The following GIT2 variants were observed in gnomAD, a reference collection of about 807,000 sequenced individuals.
The protein encoded by GIT2 is GIT ArfGAP 2, also known as ARF GTPase-activating protein GIT2.
A neutral mutation model predicts 100.3 loss-of-function variants in GIT2; 32 were observed. The ratio of observed to expected loss-of-function variants is 0.32; its 90% CI spans 0.24 to 0.43. The LOEUF is 0.43. Among genes scored for constraint, GIT2 ranks in the 20% least tolerant of loss-of-function variants. The pLI is 1.00. For synonymous variants in GIT2, 353 were observed against 364.1 expected, an observed-to-expected ratio of 0.97 and a Z score of 0.35; for missense variants, 737 against 975.1, an observed-to-expected ratio of 0.76 and a Z score of 3.25.
chr12:109,947,156 T>C lies in GIT2; in HGVS notation c.1641+100A>G. ...ACAATGGTAACTCTCTTAGTCCAAT[T>C]TGGCAAAGCAGAGCTGTGGGGACCT... On this transcript the variant is annotated intron_variant, in intron 15 of 19. Coordinates refer to ENST00000355312, the MANE Select transcript of GIT2 (RefSeq NM_057169.5). This position sits in a 1 kb window ranked among gnomAD's most constrained non-coding sequence, Gnocchi z 4.3. The C allele has an allele frequency of 8.9e-7, 1 of 1,128,698 alleles. No homozygotes were observed. The highest frequency in any genetic ancestry group is 1.3e-6 in the Non-Finnish European group (1 of 779,190). The allele number at this position is 1,128,698 out of a possible 1,614,324, so 69.9% of individuals were successfully genotyped here.
chr12:109,983,748 G>T, intron 4 of GIT2, 54 bp from the exon 5 acceptor site: 1 of 1,108,676 alleles, frequency 9.0e-7, no homozygotes, highest in Non-Finnish European at 1.4e-6. Flanking sequence ...AAAGAATGAT[G>T]TCCTAGGGCA....
chr12:109,938,211 G>A (rs1379414203), intron 18 of GIT2, among the ~76,000 whole-genome samples, 169 bp downstream of exon 18: 1 of 152,166 alleles, frequency 6.6e-6, no homozygotes, highest in Non-Finnish European at 1.5e-5. Context: ...AATCAAACAA[G>A]ACAAAGCAAA....
intron 7 of GIT2, among the ~76,000 whole-genome samples, chr12:109,971,926 G>A (rs144427071): frequency 0.024 from 3,591 of 150,874 alleles, 168 homozygotes; most frequent in African/African-American, 0.083. Flanking sequence ...CCCGGGAGGC[G>A]GAGGTTGCAG....
chr12:109,940,024 A>G (rs1386108673), intron 16 of GIT2: 1 of 152,250 alleles, frequency 6.6e-6, no homozygotes, highest in African/African-American at 2.4e-5. Flanking sequence ...AAGGCCACAA[A>G]GTCTGCAGAA....
intron 11 of GIT2, 141 bp from the exon 12 acceptor site, chr12:109,960,099 T>C: frequency 3.1e-6 from 2 of 639,084 alleles, no homozygotes; most frequent in South Asian, 3.8e-5. Flanking sequence ...ATCCCAGCCA[T>C]AATCAAACCA....
chr12:109,995,413 CA>C (rs1889157011), intron 1 of GIT2, among the ~76,000 whole-genome samples: 1 of 151,890 alleles, frequency 6.6e-6, no homozygotes, highest in Admixed American at 6.6e-5. Flanking sequence ...CAGCATAATG[CA>C]AAAAAGAAAA....
intron 7 of GIT2, among the ~76,000 whole-genome samples, chr12:109,974,347 T>C (rs1884583835): frequency 6.6e-6 from 1 of 152,072 alleles, no homozygotes. Context: ...GTCAACATGG[T>C]GAAACCCCAT....
chr12:109,983,224 A>T, intron 6 of GIT2, 149 bp downstream of exon 6: 1 of 701,398 alleles, frequency 1.4e-6, no homozygotes. Flanking sequence ...CTGAGCTTAT[A>T]TGCATTTGAA....
chr12:109,964,998 ACT>A (rs1279439317), intron 9 of GIT2, among the ~76,000 whole-genome samples: 1 of 152,154 alleles, frequency 6.6e-6, no homozygotes, highest in Non-Finnish European at 1.5e-5. Flanking sequence ...GAGCCGGCAA[ACT>A]CTGAGCACGC....
chr12:109,972,436 G>A (rs1489607952), intron 7 of GIT2, among the ~76,000 whole-genome samples: 2 of 150,732 alleles, frequency 1.3e-5, no homozygotes, highest in African/African-American at 4.9e-5. Context: ...ATAGTTTTTC[G>A]TTTTTACTGT....
upstream of GIT2, chr12:109,999,461 G>A: frequency 4.1e-6 from 1 of 244,346 alleles, no homozygotes; most frequent in Non-Finnish European, 7.8e-6. This position sits in a 1 kb window ranked among gnomAD's most constrained non-coding sequence, Gnocchi z 4.3. Context: ...CAGCGCGGGC[G>A]GGAACGCCGC....
chr12:109,978,419 A>C (rs1885601351), intron 7 of GIT2, among the ~76,000 whole-genome samples: 1 of 152,018 alleles, frequency 6.6e-6, no homozygotes, highest in Non-Finnish European at 1.5e-5. Flanking sequence ...TATTTCTTCA[A>C]ATACGTTTTC....
chr12:109,950,645 T>A (rs1431413202), intron 14 of GIT2: 1 of 153,400 alleles, frequency 6.5e-6, no homozygotes, highest in Non-Finnish European at 1.5e-5. Context: ...AAATGAAATG[T>A]TTTTTCTTAT....
intron 9 of GIT2, among the ~76,000 whole-genome samples, chr12:109,964,074 A>C (rs1261678529): frequency 6.6e-6 from 1 of 152,218 alleles, no homozygotes; most frequent in East Asian, 1.9e-4. Context: ...CAGTGAAGCA[A>C]ATGTAGGATA....
At position 109,939,285 on chromosome 12, in the gene GIT2, A is replaced by G. The variant is rs1460326930; in HGVS notation, c.1732-38T>C. The G allele has an allele frequency of 2.6e-6, 3 of 1,152,252 alleles. No individual in the cohort carries two copies. In the Admixed American group the frequency reaches 5.1e-5, roughly 19 times the overall value. 71.4% of individuals were successfully genotyped at this position (1,152,252 alleles called of 1,614,324 possible). ...AGAGGGACCCTCATGAGTTTGTAAC[A>G]TGAGACTCTTCTCAGGAGTCTTCCC... On this transcript the variant is annotated intron_variant, in intron 16 of 19. Coordinates refer to ENST00000355312, the MANE Select transcript of GIT2 (RefSeq NM_057169.5).
intron 12 of GIT2, among the ~76,000 whole-genome samples, chr12:109,956,317 T>A (rs1879436735): frequency 6.6e-6 from 1 of 152,124 alleles, no homozygotes; most frequent in African/African-American, 2.4e-5. Context: ...GGGCACTCAA[T>A]TGATCCTGGG....
At chr12:109,940,620 C>G (rs1874380101) in intron 16 of GIT2, 1 of 152,082 alleles carries the variant, frequency 6.6e-6, no homozygotes, top group African/African-American at 2.4e-5. Flanking sequence ...TGGCTCACAC[C>G]CATAATCCCA....
At position 109,934,016 on chromosome 12, in the gene GIT2, A is replaced by T; in HGVS notation, c.2067+6T>A. On this transcript the variant is annotated splice_donor_region_variant and intron_variant, in intron 19 of 19. Coordinates refer to ENST00000355312, the MANE Select transcript of GIT2 (RefSeq NM_057169.5). This position sits in a 1 kb window ranked among gnomAD's most constrained non-coding sequence, Gnocchi z 4.5. ...ATTTAAACCAAGTGAGTAGGAAGTG[A>T]CTTACTTTGGGGAATAATGCTGCCA... The T allele has an allele frequency of 6.7e-7, 1 of 1,482,622 alleles. No homozygotes were observed. Among genetic ancestry groups the T allele is most frequent in the Non-Finnish European group, 9.4e-7 (1 of 1,060,078 alleles). The allele number at this position is 1,482,622 out of a possible 1,614,324, so 91.8% of individuals were successfully genotyped here. A position where few individuals can be genotyped will look rare whatever the true frequency, so the allele number is the denominator to read the frequency against.
chr12:109,976,609 G>C (rs1056403461), intron 7 of GIT2, among the ~76,000 whole-genome samples: 1 of 102,746 alleles, frequency 9.7e-6, no homozygotes, highest in East Asian at 3.1e-4. Flanking sequence ...TTTTTTTTTT[G>C]AGATGGAGTC....
Sources: gnomAD v4.1 joint callset for allele counts (sites outside exome capture counted in the v4.1 genomes callset) on GRCh38, gnomAD v4.1.1 for gene constraint, Gnocchi (gnomAD v3.1) non-coding constraint, MANE v1.5 for transcripts, NCBI Gene and HGNC (gene_info 2026-07-23, HGNC 2026-07-21) for gene names.